Variants in STXBP5L observed in about 807,000 individuals in gnomAD.
STXBP5L encodes syntaxin-binding protein 5-like.
STXBP5L carries 65 observed loss-of-function variants against 144.5 expected under a neutral mutation model. The observed-to-expected ratio is 0.45, with a 90% CI of 0.37 to 0.55. STXBP5L has a LOEUF of 0.55. STXBP5L is among the 20% of genes least tolerant of loss of function. The pLI is 0.00. For synonymous variants in STXBP5L, 505 were observed against 469.6 expected (o/e 1.08, Z -0.97); for missense variants, 1,298 against 1,405.5 (o/e 0.92, Z 1.22).
chr3:121,235,779 C>T (rs1033244788), intron 12 of STXBP5L, among the ~76,000 whole-genome samples: 1 of 151,080 alleles, frequency 6.6e-6, no homozygotes, highest in African/African-American at 2.4e-5. Flanking sequence ...ATACTATCTG[C>T]AACATTTCAG....
intron 3 of STXBP5L, among the ~76,000 whole-genome samples, chr3:120,999,810 T>C (rs564981655): frequency 2.0e-5 from 3 of 152,356 alleles, no homozygotes; most frequent in African/African-American, 4.8e-5. Flanking sequence ...CTGAAAAATA[T>C]TGCATTTCTC....
At chr3:120,910,286 T>TA (rs1368093249) in intron 2 of STXBP5L, among the ~76,000 whole-genome samples, 1 of 152,200 alleles carries the variant, frequency 6.6e-6, no homozygotes, top group Non-Finnish European at 1.5e-5. Context: ...TGCACAGGCT[T>TA]ATAAGAACTT....
chr3:121,117,143 A>G (rs991167203), intron 6 of STXBP5L, among the ~76,000 whole-genome samples: 2 of 151,896 alleles, frequency 1.3e-5, no homozygotes, highest in Non-Finnish European at 2.9e-5. Flanking sequence ...ACTAATGAAG[A>G]GTTTTTAAAA....
intron 5 of STXBP5L, among the ~76,000 whole-genome samples, chr3:121,111,525 C>A (rs1288652314): frequency 6.6e-6 from 1 of 152,188 alleles, no homozygotes; most frequent in Non-Finnish European, 1.5e-5. Flanking sequence ...ACCCTATTTG[C>A]CTGGGTCCCT....
intron 3 of STXBP5L, among the ~76,000 whole-genome samples, chr3:120,970,337 T>A (rs1237067961): frequency 6.6e-6 from 1 of 152,142 alleles, no homozygotes; most frequent in Non-Finnish European, 1.5e-5. Flanking sequence ...TATTTTAGAT[T>A]GAATAGCTTT....
chr3:121,061,996 A>G (rs1180458573), intron 5 of STXBP5L, among the ~76,000 whole-genome samples: 1 of 152,036 alleles, frequency 6.6e-6, no homozygotes, highest in Non-Finnish European at 1.5e-5. Flanking sequence ...TGTGAATTTG[A>G]TCCTGTCATT....
At chr3:121,286,792 T>A (rs901236304) in intron 19 of STXBP5L, among the ~76,000 whole-genome samples, 2 of 149,444 alleles carry the variant, frequency 1.3e-5, no homozygotes, top group African/African-American at 5.0e-5. Flanking sequence ...ACAAAATAAA[T>A]GAAAACAATG....
At chr3:121,179,910 G>C (rs1400686380) in intron 9 of STXBP5L, among the ~76,000 whole-genome samples, 2 of 152,048 alleles carry the variant, frequency 1.3e-5, no homozygotes, top group Non-Finnish European at 2.9e-5. Context: ...TTTAAAAGAT[G>C]AACCAAGTCT....
At chr3:121,268,233 A>G (rs2050635304) in intron 18 of STXBP5L, among the ~76,000 whole-genome samples, 1 of 152,210 alleles carries the variant, frequency 6.6e-6, no homozygotes, top group African/African-American at 2.4e-5. Context: ...CAGCCATGAA[A>G]ATGTATGAGT....
chr3:121,231,654 A>T (rs1348839315), intron 11 of STXBP5L, among the ~76,000 whole-genome samples: 4 of 152,088 alleles, frequency 2.6e-5, no homozygotes, highest in Admixed American at 6.6e-5. Flanking sequence ...AGATATATAT[A>T]TTTTGGGTCT....
chr3:121,003,870 T>C (rs1011092568), intron 3 of STXBP5L, among the ~76,000 whole-genome samples: 3 of 152,308 alleles, frequency 2.0e-5, no homozygotes, highest in Admixed American at 6.5e-5. Context: ...TGAAGATATA[T>C]GGCATTATTT....
intron 10 of STXBP5L, among the ~76,000 whole-genome samples, chr3:121,207,347 A>G (rs2048376536): frequency 6.6e-6 from 1 of 152,208 alleles, no homozygotes; most frequent in African/African-American, 2.4e-5. Context: ...TGGATTAAAG[A>G]CTTAAATGTT....
Position 121,402,272 on chromosome 3 carries a change from C to A in STXBP5L, c.2588-4971C>A, listed in dbSNP as rs1308538711. ...ATACGAAGTTTCTGTCCTCAAAGAG[C>A]TTACATTCTAGATAGGAATTGAGAA... On this transcript the variant is annotated intron_variant, in intron 22 of 26. Coordinates refer to ENST00000471454, the MANE Select transcript of STXBP5L (RefSeq NM_001308330.2). 2.0e-5 allele frequency among the ~76,000 whole-genome samples: 3 copies of A among 152,212 alleles called. No individual in the cohort carries two copies. In the East Asian group the frequency reaches 5.8e-4, roughly 29 times the overall value.
intron 2 of STXBP5L, among the ~76,000 whole-genome samples, chr3:120,945,964 T>G (rs1408374625): frequency 4.0e-5 from 6 of 151,874 alleles, no homozygotes; most frequent in Admixed American, 4.0e-4. Context: ...AATGATTTCA[T>G]TCTGGTATCT....
chr3:121,257,155 T>G lies in STXBP5L; in HGVS notation c.1660-6T>G. On this transcript the variant is annotated splice_region_variant and splice_polypyrimidine_tract_variant and intron_variant, in intron 16 of 26. Coordinates refer to ENST00000471454, the MANE Select transcript of STXBP5L (RefSeq NM_001308330.2). ...TTAAATTAAATTTAAACTTGATTTTTTTAAGTCATTAGAGGTACGACTTCA... is the reference window on the plus strand; with the variant it reads ...TTAAATTAAATTTAAACTTGATTTTGTTAAGTCATTAGAGGTACGACTTCA... The G allele has an allele frequency of 6.3e-7, 1 of 1,580,384 alleles. No individual in the cohort carries two copies. The highest frequency in any genetic ancestry group is 8.6e-7 in the Non-Finnish European group (1 of 1,160,936).
chr3:121,130,490 T>G (rs2044932627), intron 7 of STXBP5L, among the ~76,000 whole-genome samples: 1 of 152,102 alleles, frequency 6.6e-6, no homozygotes, highest in Non-Finnish European at 1.5e-5. Flanking sequence ...TGCCTCCCTC[T>G]TGACCTACAT....
intron 7 of STXBP5L, among the ~76,000 whole-genome samples, chr3:121,134,223 G>T (rs989234649): frequency 6.6e-6 from 1 of 152,072 alleles, no homozygotes; most frequent in African/African-American, 2.4e-5. Context: ...CACATGGTGA[G>T]GGAGCAGAGT....
chr3:121,206,053 G>T (rs769110674), intron 10 of STXBP5L, 52 bp downstream of exon 10: 1 of 1,076,490 alleles, frequency 9.3e-7, no homozygotes, highest in Non-Finnish European at 1.3e-6. Flanking sequence ...GACAAAAAAT[G>T]CAGATGACCT....
rs143526534 is a variant in STXBP5L at position 120,987,440 on chromosome 3, T to A, written c.287+32403T>A. ...TTCCTTGAAATATGTATTTATATTT[T>A]TTGCCCATTTTATATTTTGATTATT... On this transcript the variant is annotated intron_variant, in intron 3 of 26. Transcript: ENST00000471454. Among the ~76,000 whole-genome samples, 293 of 152,110 alleles carry A rather than the reference T, an allele frequency of 1.9e-3. 1 individual carries two copies. Among genetic ancestry groups the A allele is most frequent in the African/African-American group, 6.8e-3 (284 of 41,562 alleles).
Sources: gnomAD v4.1 joint callset for allele counts (sites outside exome capture counted in the v4.1 genomes callset) on GRCh38, gnomAD v4.1.1 for gene constraint, MANE v1.5 for transcripts, NCBI Gene and HGNC (gene_info 2026-07-23, HGNC 2026-07-21) for gene names.